The following GRID2 variants were observed in gnomAD, a reference collection of about 807,000 sequenced individuals.
GRID2 encodes the protein glutamate receptor ionotropic, delta-2.
Under a neutral mutation model 114.8 loss-of-function variants are expected in GRID2, and 33 were observed. The observed-to-expected ratio is 0.29, with a 90% CI of 0.22 to 0.38. The LOEUF (loss-of-function observed/expected upper bound fraction) is 0.38, where lower values mean the gene tolerates loss of function less well. Among genes scored for constraint, GRID2 ranks in the 10% least tolerant of loss-of-function variants. The pLI is 1.00. For synonymous variants in GRID2, 505 were observed against 449.9 expected (o/e 1.12, Z -1.55); for missense variants, 1,184 against 1,257.7 (o/e 0.94, Z 0.89).
rs142828979 is a variant in GRID2 at position 92,596,130 on chromosome 4, T to C, written c.244+5844T>C. ...TTTTGATAACTTCAATTCCAGCTTA[T>C]TTTCTGAATTGTCTGACAATAAACT... is the stretch of plus-strand genomic sequence containing the variant. On this transcript the variant is annotated intron_variant, in intron 2 of 15. Transcript: ENST00000282020. 9.0e-3 allele frequency among the ~76,000 whole-genome samples: 1,376 copies of C among 152,270 alleles called. 23 individuals carry two copies. Among genetic ancestry groups the C allele is most frequent in the African/African-American group, 0.03 (1,228 of 41,546 alleles).
chr4:92,953,267 A>G (rs1281097679), intron 2 of GRID2, among the ~76,000 whole-genome samples: 1 of 152,166 alleles, frequency 6.6e-6, no homozygotes, highest in East Asian at 1.9e-4. Context: ...GGTAACCACA[A>G]TGCTTTAGTG....
chr4:93,390,477 C>CCTCA (rs1347281141), intron 8 of GRID2, among the ~76,000 whole-genome samples: 1 of 152,162 alleles, frequency 6.6e-6, no homozygotes, highest in Non-Finnish European at 1.5e-5. Flanking sequence ...GTCCCAAAAA[C>CCTCA]TGTATGAGGA....
intron 4 of GRID2, among the ~76,000 whole-genome samples, chr4:93,182,729 A>G (rs1182238037): frequency 1.3e-5 from 2 of 152,248 alleles, no homozygotes; most frequent in Non-Finnish European, 2.9e-5. Flanking sequence ...CACCGTCCTT[A>G]TAAACAATTT....
intron 4 of GRID2, among the ~76,000 whole-genome samples, chr4:93,159,310 G>A (rs146991851): frequency 6.6e-6 from 1 of 151,934 alleles, no homozygotes; most frequent in East Asian, 1.9e-4. Context: ...GTTTCAAGGA[G>A]TGCTGGATCC....
intron 14 of GRID2, among the ~76,000 whole-genome samples, chr4:93,756,982 G>A (rs924223085): frequency 6.6e-5 from 10 of 152,102 alleles, no homozygotes; most frequent in East Asian, 1.9e-4. Flanking sequence ...AAACAGAGAC[G>A]TCTCAAGGCA....
intron 8 of GRID2, among the ~76,000 whole-genome samples, chr4:93,266,144 A>G (rs539781363): frequency 2.0e-4 from 30 of 152,300 alleles, no homozygotes; most frequent in African/African-American, 6.7e-4. Flanking sequence ...GAAGGAAACG[A>G]ATATTCAGAG....
rs188203527 is a variant in GRID2, at chr4:93,116,451, T to A, written c.735+5498T>A. Among the ~76,000 whole-genome samples the A allele has an allele frequency of 1.4e-3, 220 of 152,332 alleles. 1 individual carries two copies. The highest frequency in any genetic ancestry group is 2.4e-3 in the Non-Finnish European group (164 of 68,016). ...AGTATTAAGATATGATTATATTTAG[T>A]TTTTTATCACTCAGCTTCAGGTTTC... is the stretch of plus-strand genomic sequence containing the variant. On this transcript the variant is annotated intron_variant, in intron 4 of 15. Coordinates refer to ENST00000282020, the MANE Select transcript of GRID2 (RefSeq NM_001510.4).
rs1482904860 is a variant in GRID2, at chr4:92,993,027, TAATC to T, written c.245-91964_245-91961del. 2.6e-5 allele frequency among the ~76,000 whole-genome samples: 4 copies of T among 152,210 alleles called. No homozygotes were observed. The East Asian group carries it at 7.7e-4, about 29-fold the overall frequency. On this transcript the variant is annotated intron_variant, in intron 2 of 15. Coordinates refer to ENST00000282020, the MANE Select transcript of GRID2 (RefSeq NM_001510.4). ...TCACTCTGCAGCATATTAGATAAAA[TAATC>T]AATATGCTCAGGTTGAAAAATTAAA... is the stretch of plus-strand genomic sequence containing the variant.
intron 1 of GRID2, among the ~76,000 whole-genome samples, chr4:92,502,696 A>G (rs944509663): frequency 6.4e-5 from 9 of 140,612 alleles, no homozygotes; most frequent in Non-Finnish European, 1.4e-4. Context: ...AACTAATGCC[A>G]TGTGATTTCT....
intron 2 of GRID2, among the ~76,000 whole-genome samples, chr4:93,055,192 A>G (rs1262457186): frequency 6.6e-6 from 1 of 151,788 alleles, no homozygotes; most frequent in Non-Finnish European, 1.5e-5. Flanking sequence ...ATTTCTGCAA[A>G]GTAAAGTGTA....
intron 2 of GRID2, among the ~76,000 whole-genome samples, chr4:93,066,888 T>C (rs1431314308): frequency 6.6e-6 from 1 of 151,994 alleles, no homozygotes; most frequent in Non-Finnish European, 1.5e-5. Flanking sequence ...GGAGACAGTC[T>C]GTCTTATAAC....
At chr4:92,593,944 T>C (rs934846470) in intron 2 of GRID2, among the ~76,000 whole-genome samples, 3 of 151,018 alleles carry the variant, frequency 2.0e-5, no homozygotes, top group Admixed American at 6.6e-5. Context: ...AAAAAACGTA[T>C]ATGGGTTATT....
intron 2 of GRID2, among the ~76,000 whole-genome samples, chr4:92,867,798 T>C (rs1207515833): frequency 1.3e-5 from 2 of 152,170 alleles, no homozygotes; most frequent in Non-Finnish European, 2.9e-5. Context: ...TTGTTGGGTA[T>C]GTACAGCTAT....
rs200990815 is a variant in GRID2 at position 92,666,804 on chromosome 4, AT to A, written c.244+76520del. 2.4e-3 allele frequency among the ~76,000 whole-genome samples: 357 copies of A among 151,420 alleles called. 6 individuals are homozygous for A. Among genetic ancestry groups the A allele is most frequent in the East Asian group, 0.01 (53 of 5,142 alleles). ...AAAATGAGAAAAAGAAAAAATTAAG[AT>A]TAAAAAAAACCTCACTTGAGCTTTA... On this transcript the variant is annotated intron_variant, in intron 2 of 15. Coordinates refer to ENST00000282020, the MANE Select transcript of GRID2 (RefSeq NM_001510.4).
intron 8 of GRID2, 58 bp downstream of exon 8, chr4:93,238,548 G>A: frequency 6.8e-7 from 1 of 1,475,694 alleles, no homozygotes; most frequent in Non-Finnish European, 9.3e-7. Flanking sequence ...TTGCTTGATT[G>A]TTTTCCATGC....
intron 4 of GRID2, among the ~76,000 whole-genome samples, chr4:93,185,270 G>A (rs938999796): frequency 2.0e-5 from 3 of 152,104 alleles, no homozygotes; most frequent in African/African-American, 7.2e-5. Flanking sequence ...GGTAAGAAAT[G>A]TTTTTGTCAT....
intron 1 of GRID2, among the ~76,000 whole-genome samples, chr4:92,527,845 TTTCCATTTTATGTGAACATAG>T (rs1158019956): frequency 6.2e-4 from 94 of 152,178 alleles, no homozygotes; most frequent in African/African-American, 2.2e-3. Flanking sequence ...AGAAAACATT[TTTCCATTTTATGTGAACATAG>T]CATTATTGCT....
chr4:92,891,563 A>AT (rs939158487), intron 2 of GRID2, among the ~76,000 whole-genome samples: 37 of 151,504 alleles, frequency 2.4e-4, no homozygotes, highest in East Asian at 3.9e-4. Context: ...GCTGAGCAGC[A>AT]TTTTTTTTTA....
intron 2 of GRID2, among the ~76,000 whole-genome samples, chr4:92,770,249 G>T (rs770653764): frequency 1.3e-5 from 2 of 152,076 alleles, no homozygotes; most frequent in Non-Finnish European, 2.9e-5. Context: ...TTCCCAAAAA[G>T]TTCCTCATCT....
Sources: gnomAD v4.1 joint callset for allele counts (sites outside exome capture counted in the v4.1 genomes callset) on GRCh38, gnomAD v4.1.1 for gene constraint, MANE v1.5 for transcripts, NCBI Gene and HGNC (gene_info 2026-07-23, HGNC 2026-07-21) for gene names.